MICALL2: variants seen among roughly 807,000 people sequenced by gnomAD.
MICALL2 encodes MICAL-like protein 2.
Under a neutral mutation model 91.1 loss-of-function variants are expected in MICALL2, and 111 were observed. The observed-to-expected ratio is 1.22, with a 90% CI of 1.04 to 1.43. MICALL2 has a LOEUF of 1.43. Ranked by LOEUF, MICALL2 falls within the 40% of genes most tolerant of loss-of-function variation. The probability of loss-of-function intolerance (pLI) is 0.00; values close to 1 mark genes in which losing one functional copy is unlikely to be tolerated. For synonymous variants in MICALL2, 694 were observed against 525.3 expected, an observed-to-expected ratio of 1.32 and a Z score of -4.39; for missense variants, 1,556 against 1,236.0, an observed-to-expected ratio of 1.26 and a Z score of -3.88.
chr7:1,448,309 G>A (rs1268906823), intron 3 of MICALL2, among the ~76,000 whole-genome samples: 1 of 152,260 alleles, frequency 6.6e-6, no homozygotes, highest in African/African-American at 2.4e-5. Flanking sequence ...GGGGCAGGGC[G>A]GCAGGAGCTG....
intron 3 of MICALL2, 157 bp from the exon 4 acceptor site, chr7:1,447,922 G>T: frequency 1.9e-6 from 1 of 526,040 alleles, no homozygotes. Flanking sequence ...ACTTTTTCTG[G>T]CACAGCCCCG....
chr7:1,446,419 C>G (rs190586939), intron 5 of MICALL2, among the ~76,000 whole-genome samples: 2 of 10 alleles, frequency 0.2, 1 homozygote, highest in Non-Finnish European at 0.2. Flanking sequence ...AGGAGGCGGA[C>G]CATTAGGGAG....
At chr7:1,450,887 G>A (rs970902607) in intron 1 of MICALL2, among the ~76,000 whole-genome samples, 2 of 152,194 alleles carry the variant, frequency 1.3e-5, no homozygotes, top group African/African-American at 2.4e-5. Flanking sequence ...CCTTCTCAGC[G>A]CTTCACAAAT....
intron 10 of MICALL2, 64 bp from the exon 11 acceptor site, chr7:1,438,417 A>G: frequency 6.4e-7 from 1 of 1,551,060 alleles, no homozygotes; most frequent in Non-Finnish European, 8.7e-7. Context: ...ACCAGGACAC[A>G]GCTTGGAAGG....
chr7:1,447,745 TCACGC>T lies in MICALL2; in HGVS notation c.350_354del (p.Gly117GlufsTer8). On this transcript the variant is annotated frameshift_variant, in exon 4 of 17. Coordinates refer to ENST00000297508, the MANE Select transcript of MICALL2 (RefSeq NM_182924.4). LOFTEE classifies it high-confidence loss of function. ...TCCTCAGAGTCCTCCGAGGCCCTCTTCACGCCTGCCATGCCCCCAACTGGAGGAAT... is the reference window on the plus strand; with the variant it reads ...TCCTCAGAGTCCTCCGAGGCCCTCTTCTGCCATGCCCCCAACTGGAGGAAT... 6.4e-7 allele frequency: 1 copy of T among 1,550,822 alleles called. No homozygotes were observed. Among genetic ancestry groups the T allele is most frequent in the South Asian group, 1.2e-5 (1 of 82,748 alleles).
At chr7:1,457,672 G>A (rs776213194) in intron 1 of MICALL2, among the ~76,000 whole-genome samples, 9 of 152,214 alleles carry the variant, frequency 5.9e-5, no homozygotes, top group Non-Finnish European at 1.3e-4. Context: ...CGTCTGAGCC[G>A]GCAGGGAGTA....
intron 2 of MICALL2, 139 bp from the exon 3 acceptor site, chr7:1,448,900 G>C (rs541387988): frequency 2.0e-6 from 2 of 1,004,368 alleles, no homozygotes; most frequent in Non-Finnish European, 1.5e-6. Context: ...AGTTCTGCTC[G>C]CGTGGCCTCC....
intron 1 of MICALL2, among the ~76,000 whole-genome samples, chr7:1,454,636 C>G (rs1032420762): frequency 6.6e-6 from 1 of 152,220 alleles, no homozygotes; most frequent in Non-Finnish European, 1.5e-5. Context: ...AGAGGTCTGG[C>G]TACAGGCCCT....
At chr7:1,458,438 A>T (rs528824136) in intron 1 of MICALL2, among the ~76,000 whole-genome samples, 11 of 152,338 alleles carry the variant, frequency 7.2e-5, no homozygotes, top group African/African-American at 2.4e-4. Flanking sequence ...CGACACACAG[A>T]TCTCTGTCCC....
At chr7:1,443,170 G>C (rs1477343906) in intron 6 of MICALL2, among the ~76,000 whole-genome samples, 3 of 149,236 alleles carry the variant, frequency 2.0e-5, no homozygotes, top group African/African-American at 7.4e-5. Flanking sequence ...AGAGGAGCTG[G>C]GGTCCTCCCC....
chr7:1,439,981 G>A lies in MICALL2; in HGVS notation c.1910C>T (p.Thr637Ile). The A allele has an allele frequency of 2.0e-6, 3 of 1,533,772 alleles. No homozygotes were observed. The highest frequency in any genetic ancestry group is 2.4e-5 in the Admixed American group (1 of 41,302). The change falls in exon 9 of 17, where the codon ACC becomes ATC. Residue 637 changes from threonine to isoleucine, a missense_variant. By Grantham distance (89) the Thr-to-Ile change is moderately conservative (BLOSUM62 -1). Coordinates refer to ENST00000297508, the MANE Select transcript of MICALL2 (RefSeq NM_182924.4). The part of the protein sequence containing the change: ...SFAGSVHITL[T>I]PVRPDRTPRP... The stretch of plus-strand genomic sequence containing the variant: ...TGGGGTCCTGTCAGGCCTCACGGGG[G>A]TCAGGGTGATGTGGACACTCCCAGC...
chr7:1,437,824 G>A (rs187324551), intron 13 of MICALL2, 66 bp downstream of exon 13: 23 of 1,446,006 alleles, frequency 1.6e-5, no homozygotes, highest in South Asian at 3.7e-5. Flanking sequence ...CCTGTCCCCC[G>A]CCTGGCCTGC....
intron 14 of MICALL2, 188 bp downstream of exon 14, chr7:1,437,347 T>G: frequency 1.7e-6 from 1 of 590,552 alleles, no homozygotes; most frequent in Non-Finnish European, 2.9e-6. Context: ...ACAGCAAGGT[T>G]AAGTACCTTG....
intron 6 of MICALL2, among the ~76,000 whole-genome samples, 171 bp from the exon 7 acceptor site, chr7:1,442,655 A>C (rs1344081074): frequency 1.1e-5 from 1 of 89,656 alleles, no homozygotes; most frequent in Admixed American, 1.1e-4. Flanking sequence ...GCGCCAGGCC[A>C]CCCCTCCGCC....
intron 15 of MICALL2, among the ~76,000 whole-genome samples, chr7:1,435,782 C>T (rs542649383): frequency 1.1e-4 from 17 of 152,328 alleles, no homozygotes; most frequent in East Asian, 5.8e-4. Context: ...TGGCCGGGCA[C>T]GGTGGCTCAC....
At position 1,442,430 on chromosome 7, in the gene MICALL2, T is replaced by C. The variant is rs374681142; in HGVS notation, c.1473A>G (p.Pro491=). 1 of 1,566,920 alleles carries C rather than the reference T, an allele frequency of 6.4e-7. No homozygotes were observed. The highest frequency in any genetic ancestry group is 1.4e-5 in the African/African-American group (1 of 73,834). The part of the protein sequence containing the change: ...VPSSQPKTEA[P]QASPLAKPLQ... ...ACGGCTTGGCTAAGGGACTTGCTTG[T>C]GGTGCTTCAGTTTTGGGCTGAGAAC... The change falls in exon 7 of 17, where the codon CCA becomes CCG. Residue 491 remains proline (P), a synonymous_variant. Coordinates refer to ENST00000297508, the MANE Select transcript of MICALL2 (RefSeq NM_182924.4).
At chr7:1,448,279 G>A (rs1343579731) in intron 3 of MICALL2, among the ~76,000 whole-genome samples, 1 of 152,268 alleles carries the variant, frequency 6.6e-6, no homozygotes, top group Non-Finnish European at 1.5e-5. Flanking sequence ...GGGTCCAGAT[G>A]GGCAAACTGA....
intron 14 of MICALL2, 111 bp from the exon 15 acceptor site, chr7:1,436,967 G>A (rs1352828887): frequency 4.3e-6 from 3 of 699,824 alleles, no homozygotes; most frequent in South Asian, 4.3e-5. Context: ...GGAAGAAGGT[G>A]GGGTCTTGGG....
chr7:1,435,260 A>G (rs1779911217), intron 15 of MICALL2, 113 bp from the exon 16 acceptor site: 14 of 1,032,536 alleles, frequency 1.4e-5, no homozygotes, highest in Non-Finnish European at 2.1e-5. Flanking sequence ...GCCTGGACCC[A>G]TGCCACCTGC....
Sources: gnomAD v4.1 joint callset for allele counts (sites outside exome capture counted in the v4.1 genomes callset) on GRCh38, gnomAD v4.1.1 for gene constraint, MANE v1.5 for transcripts, NCBI Gene and HGNC (gene_info 2026-07-23, HGNC 2026-07-21) for gene names.